The following NKAIN2 variants were observed in gnomAD, a reference collection of about 807,000 sequenced individuals.
NKAIN2 encodes the protein sodium/potassium-transporting ATPase subunit beta-1-interacting protein 2.
A neutral mutation model predicts 32.6 loss-of-function variants in NKAIN2; 14 were observed. The ratio of observed to expected loss-of-function variants is 0.43; its 90% CI spans 0.28 to 0.67. The LOEUF is 0.67. Ranked by LOEUF, NKAIN2 falls within the 30% of genes least tolerant of loss-of-function variation. The pLI, the probability that NKAIN2 is intolerant of heterozygous loss-of-function variation, is 0.17. For missense variants in NKAIN2, 198 were observed against 258.3 expected (o/e 0.77, Z 1.60); for synonymous variants, 80 against 87.2 (o/e 0.92, Z 0.46).
chr6:124,342,766 A>C (rs2115089492), intron 2 of NKAIN2, among the ~76,000 whole-genome samples: 1 of 151,728 alleles, frequency 6.6e-6, no homozygotes, highest in South Asian at 2.1e-4. Context: ...CAGCCTCCAA[A>C]AGTACTGGGA....
intron 1 of NKAIN2, among the ~76,000 whole-genome samples, chr6:123,810,383 G>T (rs1463167566): frequency 3.3e-5 from 5 of 152,016 alleles, no homozygotes; most frequent in African/African-American, 4.8e-5. Flanking sequence ...TCAACACTTA[G>T]GTTTAGAGAG....
At chr6:124,712,923 C>G (rs1477772093) in intron 4 of NKAIN2, among the ~76,000 whole-genome samples, 2 of 152,048 alleles carry the variant, frequency 1.3e-5, no homozygotes, top group East Asian at 3.9e-4. Flanking sequence ...TTTTATGTTA[C>G]ATAGTGAAAA....
chr6:123,950,776 G>T (rs919878601), intron 1 of NKAIN2, among the ~76,000 whole-genome samples: 5 of 151,712 alleles, frequency 3.3e-5, no homozygotes, highest in Admixed American at 3.3e-4. Flanking sequence ...TTGTTTTTTA[G>T]TCCAATTTCA....
chr6:124,216,965 CTG>C (rs1481476405), intron 1 of NKAIN2, among the ~76,000 whole-genome samples: 1 of 152,060 alleles, frequency 6.6e-6, no homozygotes, highest in Non-Finnish European at 1.5e-5. Flanking sequence ...CAAGAATTGA[CTG>C]TATATTACAC....
intron 2 of NKAIN2, among the ~76,000 whole-genome samples, chr6:124,309,147 T>C (rs1233748353): frequency 6.6e-6 from 1 of 152,108 alleles, no homozygotes; most frequent in African/African-American, 2.4e-5. Flanking sequence ...CTAGTGTAAC[T>C]TATAGAAAGT....
chr6:124,712,038 G>GA lies in NKAIN2; in HGVS notation c.474+53652_474+53653insA, dbSNP rs1199260817. Among the ~76,000 whole-genome samples, 7 of 151,980 alleles carry GA rather than the reference G, an allele frequency of 4.6e-5. No homozygotes were observed. In the East Asian group the frequency reaches 9.8e-4, roughly 21 times the overall value. ...CTGTTTGTTAGTTTTCCTTCTAACA[G>GA]CAGGACCCTCAGCTGCAGGTCTGTT... On this transcript the variant is annotated intron_variant, in intron 4 of 6. Transcript: ENST00000368417.
At chr6:124,435,216 C>T (rs151226429) in intron 3 of NKAIN2, among the ~76,000 whole-genome samples, 203 of 152,128 alleles carry the variant, frequency 1.3e-3, no homozygotes, top group Admixed American at 3.5e-3. Flanking sequence ...CGTTCCCAGA[C>T]AAGAAATAGC....
intron 1 of NKAIN2, among the ~76,000 whole-genome samples, chr6:123,941,219 A>T (rs1776805506): frequency 6.6e-6 from 1 of 151,768 alleles, no homozygotes; most frequent in East Asian, 1.9e-4. Context: ...TGCCCTGATA[A>T]CATTTCGTTC....
At chr6:123,859,339 G>A (rs548917257) in intron 1 of NKAIN2, among the ~76,000 whole-genome samples, 2 of 151,982 alleles carry the variant, frequency 1.3e-5, no homozygotes, top group Non-Finnish European at 2.9e-5. Context: ...TGATGAGTTG[G>A]GTGAATCAAT....
chr6:124,045,457 A>T (rs140125734), intron 1 of NKAIN2, among the ~76,000 whole-genome samples: 1 of 152,018 alleles, frequency 6.6e-6, no homozygotes, highest in African/African-American at 2.4e-5. Flanking sequence ...TACACTTCCA[A>T]TTAATATTAA....
intron 1 of NKAIN2, among the ~76,000 whole-genome samples, chr6:123,949,428 C>T (rs920864116): frequency 3.3e-5 from 5 of 152,034 alleles, no homozygotes; most frequent in African/African-American, 4.8e-5. Context: ...CCTTCTGATC[C>T]GTGAGCATAG....
At chr6:124,452,138 T>G (rs1326375705) in intron 3 of NKAIN2, among the ~76,000 whole-genome samples, 2 of 149,434 alleles carry the variant, frequency 1.3e-5, no homozygotes, top group African/African-American at 5.0e-5. Flanking sequence ...GAGGTTGCAG[T>G]GAGCAAAGAT....
At chr6:124,105,211 T>C (rs1156865274) in intron 1 of NKAIN2, among the ~76,000 whole-genome samples, 3 of 152,200 alleles carry the variant, frequency 2.0e-5, no homozygotes, top group African/African-American at 7.2e-5. Context: ...ATAAAACTTC[T>C]AAATCACAGC....
intron 5 of NKAIN2, among the ~76,000 whole-genome samples, chr6:124,794,495 T>C (rs1204428649): frequency 6.6e-6 from 1 of 152,226 alleles, no homozygotes; most frequent in East Asian, 1.9e-4. Context: ...TTTTTATGTG[T>C]ATCTTGACCA....
intron 1 of NKAIN2, among the ~76,000 whole-genome samples, chr6:124,106,737 T>C (rs1785137970): frequency 6.6e-6 from 1 of 152,228 alleles, no homozygotes; most frequent in African/African-American, 2.4e-5. Context: ...TGCAGAGTGA[T>C]CATATTTATG....
At chr6:124,010,153 C>G (rs1029357290) in intron 1 of NKAIN2, among the ~76,000 whole-genome samples, 1 of 152,028 alleles carries the variant, frequency 6.6e-6, no homozygotes, top group South Asian at 2.1e-4. Flanking sequence ...TTCCTCTGAT[C>G]CAGGGTGGAC....
chr6:124,511,180 A>T (rs1343096469), intron 3 of NKAIN2, among the ~76,000 whole-genome samples: 2 of 152,170 alleles, frequency 1.3e-5, no homozygotes, highest in Non-Finnish European at 2.9e-5. Flanking sequence ...ATTTCCAGAG[A>T]TTGGTTTTAA....
intron 1 of NKAIN2, among the ~76,000 whole-genome samples, chr6:123,984,199 G>C (rs1307404000): frequency 6.6e-6 from 1 of 151,948 alleles, no homozygotes; most frequent in Admixed American, 6.6e-5. Flanking sequence ...GAGTCACCGC[G>C]CCCGGCCAGA....
intron 2 of NKAIN2, among the ~76,000 whole-genome samples, chr6:124,329,976 G>A (rs150144874): frequency 1.8e-4 from 27 of 152,232 alleles, no homozygotes; most frequent in African/African-American, 5.5e-4. Flanking sequence ...GAATCTTTCC[G>A]ACTTCAAGGA....
Sources: gnomAD v4.1 joint callset for allele counts (sites outside exome capture counted in the v4.1 genomes callset) on GRCh38, gnomAD v4.1.1 for gene constraint, MANE v1.5 for transcripts, NCBI Gene and HGNC (gene_info 2026-07-23, HGNC 2026-07-21) for gene names.